The following MAF variants were observed in gnomAD, a reference collection of about 807,000 sequenced individuals.
MAF encodes MAF bZIP transcription factor, also known as transcription factor Maf.
Under a neutral mutation model 22.0 loss-of-function variants are expected in MAF, and 10 were observed. That is an observed-to-expected ratio of 0.45 (90% confidence interval 0.28 to 0.77). MAF has a LOEUF of 0.77. Ranked by LOEUF, MAF falls within the 30% of genes least tolerant of loss-of-function variation. MAF has a pLI of 0.12. For missense variants in MAF, 544 were observed against 548.4 expected, an observed-to-expected ratio of 0.99 and a Z score of 0.08; for synonymous variants, 337 against 255.8, an observed-to-expected ratio of 1.32 and a Z score of -3.03.
At chr16:79,439,868 T>C in the MAF span, among the ~76,000 whole-genome samples, 1 of 152,224 alleles carries the variant, frequency 6.6e-6, no homozygotes, top group East Asian at 1.9e-4. Flanking sequence ...AATATATTAA[T>C]CACAGAAAAT....
chr16:79,512,255 T>C, the MAF span, among the ~76,000 whole-genome samples: 1 of 152,210 alleles, frequency 6.6e-6, no homozygotes, highest in Non-Finnish European at 1.5e-5. Context: ...TCCCAGACTC[T>C]TTATTTTAAG....
chr16:79,207,467 A>C, the MAF span, among the ~76,000 whole-genome samples: 13,168 of 152,312 alleles, frequency 0.086, 691 homozygotes, highest in Middle Eastern at 0.15. Flanking sequence ...TCTAACTTCC[A>C]GGGTTCATTC....
the MAF span, among the ~76,000 whole-genome samples, chr16:79,485,831 G>T: frequency 6.6e-6 from 1 of 152,038 alleles, no homozygotes; most frequent in African/African-American, 2.4e-5. Context: ...AATGGCCCAG[G>T]GGCGGCCAGC....
the MAF span, among the ~76,000 whole-genome samples, chr16:79,289,340 T>A: frequency 1.2e-4 from 18 of 152,028 alleles, no homozygotes; most frequent in African/African-American, 4.3e-4. Context: ...GAAATCATTA[T>A]GAGGTTAAAT....
the MAF span, among the ~76,000 whole-genome samples, chr16:79,327,240 G>A: frequency 6.6e-6 from 1 of 152,244 alleles, no homozygotes; most frequent in Non-Finnish European, 1.5e-5. Context: ...GGTAGTGCCT[G>A]TGGTGGAGGG....
At chr16:79,460,701 T>C in the MAF span, among the ~76,000 whole-genome samples, 6 of 152,334 alleles carry the variant, frequency 3.9e-5, no homozygotes, top group East Asian at 9.6e-4. Context: ...GGTAGGGTTA[T>C]ATTTTGAACC....
the MAF span, among the ~76,000 whole-genome samples, chr16:79,292,491 G>A: frequency 1.2e-4 from 19 of 152,310 alleles, 1 homozygote; most frequent in South Asian, 2.1e-3. Flanking sequence ...TCTTTTGTAA[G>A]TAACTCAGTT....
the MAF span, among the ~76,000 whole-genome samples, chr16:79,550,375 A>T: frequency 6.6e-6 from 1 of 152,074 alleles, no homozygotes; most frequent in Non-Finnish European, 1.5e-5. Context: ...ACACCCCTAA[A>T]GACAGAAACT....
At chr16:79,229,570 G>C in the MAF span, 8 of 152,114 alleles carry the variant, frequency 5.3e-5, no homozygotes, top group Non-Finnish European at 1.2e-4. Context: ...GATAAGTGAA[G>C]CGCGGCGTGG....
chr16:79,530,872 G>C, the MAF span, among the ~76,000 whole-genome samples: 1 of 152,166 alleles, frequency 6.6e-6, no homozygotes, highest in African/African-American at 2.4e-5. Context: ...GATTACTTGT[G>C]AGCCACTTCT....
chr16:79,432,468 T>C, the MAF span, among the ~76,000 whole-genome samples: 1 of 152,198 alleles, frequency 6.6e-6, no homozygotes, highest in Admixed American at 6.5e-5. Context: ...CAACATTAAT[T>C]ATAAAATAGA....
At chr16:79,212,995 C>T in the MAF span, 1 of 151,190 alleles carries the variant, frequency 6.6e-6, no homozygotes, top group Non-Finnish European at 1.5e-5. Flanking sequence ...TTTTAGTCCT[C>T]AATGGTCTGC....
the MAF span, among the ~76,000 whole-genome samples, chr16:79,288,361 A>C: frequency 6.6e-6 from 1 of 152,232 alleles, no homozygotes; most frequent in East Asian, 1.9e-4. Context: ...CTACATCCTA[A>C]GCCGGTTACA....
Position 79,594,343 on chromosome 16 carries a change from A to G in MAF, c.*117T>C. 1 of 940,966 alleles carries G rather than the reference A, an allele frequency of 1.1e-6. No individual in the cohort carries two copies. Among genetic ancestry groups the G allele is most frequent in the Non-Finnish European group, 1.7e-6 (1 of 598,744 alleles). The allele number at this position is 940,966 out of a possible 1,614,324, so 58.3% of individuals were successfully genotyped here. A position where few individuals can be genotyped will look rare whatever the true frequency, so the allele number is the denominator to read the frequency against. ...ACATTTAATAGCCTTCTTCTCTAAC[A>G]CAGTAATTTTTATTTAAAAAGGAGA... On this transcript the variant is annotated 3_prime_UTR_variant, in exon 2 of 2. Coordinates refer to ENST00000326043, the MANE Select transcript of MAF (RefSeq NM_005360.5).
chr16:79,389,247 C>A, the MAF span, among the ~76,000 whole-genome samples: 1 of 152,088 alleles, frequency 6.6e-6, no homozygotes, highest in Admixed American at 6.5e-5. Context: ...GGCTGAAGAT[C>A]GCTCTTTATT....
chr16:79,304,524 G>C, the MAF span, among the ~76,000 whole-genome samples: 4 of 151,914 alleles, frequency 2.6e-5, no homozygotes, highest in African/African-American at 9.7e-5. Context: ...TGTGGGTCTG[G>C]TCTCACTACC....
At chr16:79,355,655 C>T in the MAF span, among the ~76,000 whole-genome samples, 11 of 152,282 alleles carry the variant, frequency 7.2e-5, no homozygotes, top group South Asian at 1.5e-3. Context: ...TCTTTGGAAT[C>T]TAAACTAAAG....
chr16:79,275,156 G>A, the MAF span, among the ~76,000 whole-genome samples: 2 of 152,078 alleles, frequency 1.3e-5, no homozygotes, highest in Non-Finnish European at 2.9e-5. Context: ...AGGAGTCTGA[G>A]ACCAGCTTGG....
At chr16:79,324,618 C>G in the MAF span, among the ~76,000 whole-genome samples, 5 of 152,002 alleles carry the variant, frequency 3.3e-5, no homozygotes, top group Non-Finnish European at 7.4e-5. Context: ...TCGAAAACAC[C>G]TAGGTAGTAA....
Sources: allele counts gnomAD v4.1 joint callset (sites outside exome capture counted in the v4.1 genomes callset), GRCh38; gene constraint gnomAD v4.1.1; transcripts MANE v1.5; gene names NCBI Gene and HGNC (gene_info 2026-07-23, HGNC 2026-07-21).